Variants in PCDH11X observed in about 807,000 individuals in gnomAD.
PCDH11X encodes protocadherin-11 X-linked.
PCDH11X carries 18 observed loss-of-function variants against 53.3 expected under a neutral mutation model. The observed-to-expected ratio is 0.34, with a 90% CI of 0.23 to 0.50. PCDH11X has a LOEUF of 0.50. Ranked by LOEUF, PCDH11X falls within the 20% of genes least tolerant of loss-of-function variation. The pLI, the probability that PCDH11X is intolerant of heterozygous loss-of-function variation, is 0.98. For missense variants in PCDH11X, 570 were observed against 1,032.4 expected (o/e 0.55, Z 6.14); for synonymous variants, 279 against 393.3 (o/e 0.71, Z 3.44).
At chrX:92,420,544 G>C in intron 9 of PCDH11X, 1 of 351,510 alleles carries the variant, frequency 2.8e-6, no homozygotes, top group Non-Finnish European at 5.5e-6. Context: ...CCCAAGGAGG[G>C]TTTTTAATGG....
intron 10 of PCDH11X, among the ~76,000 whole-genome samples, chrX:92,595,433 C>T (rs1925489089): frequency 9.3e-6 from 1 of 107,495 alleles, no homozygotes; most frequent in African/African-American, 3.4e-5. Context: ...TAAAAAGGGA[C>T]TGTGTGGTAA....
intron 7 of PCDH11X, among the ~76,000 whole-genome samples, chrX:92,211,456 CAG>C (rs1281351002): frequency 8.9e-6 from 1 of 111,889 alleles, no homozygotes; most frequent in African/African-American, 3.2e-5. Context: ...GGTGAGGACA[CAG>C]AGCCAAACCA....
In PCDH11X at chrX:91,806,018, C is replaced by T. The variant is rs1226202476; in HGVS notation, c.-378-3448C>T. 2.7e-5 allele frequency among the ~76,000 whole-genome samples: 3 copies of T among 111,571 alleles called. No individual in the cohort carries two copies. The East Asian group carries it at 8.4e-4, about 31-fold the overall frequency. Reference sequence around the variant, plus strand: ...AGGGACTATAAAGTAGGGAGATCAGCAGGACTGTAAAAGTGGGTGTGGGAG... The same window carrying T: ...AGGGACTATAAAGTAGGGAGATCAGTAGGACTGTAAAAGTGGGTGTGGGAG... On this transcript the variant is annotated intron_variant, in intron 1 of 10. Coordinates refer to ENST00000682573, the MANE Select transcript of PCDH11X (RefSeq NM_032968.5).
At chrX:92,184,768 G>T (rs763600127) in intron 6 of PCDH11X, among the ~76,000 whole-genome samples, 1 of 111,216 alleles carries the variant, frequency 9.0e-6, no homozygotes, top group African/African-American at 3.3e-5. Context: ...CTGGGGCCTG[G>T]CAGAGTGGCT....
chrX:92,015,166 CT>C (rs760792016), intron 6 of PCDH11X, among the ~76,000 whole-genome samples: 2 of 110,311 alleles, frequency 1.8e-5, no homozygotes, highest in East Asian at 2.8e-4. Flanking sequence ...GCTTTGAAAT[CT>C]TTTTTTTTAA....
intron 6 of PCDH11X, among the ~76,000 whole-genome samples, chrX:92,076,952 C>T (rs906156118): frequency 8.9e-6 from 1 of 111,847 alleles, no homozygotes; most frequent in Non-Finnish European, 1.9e-5. Flanking sequence ...ATAAACAAAG[C>T]CTTCTTCACT....
chrX:91,825,504 A>G (rs5984825), intron 4 of PCDH11X, among the ~76,000 whole-genome samples: 12,727 of 111,156 alleles, frequency 0.11, 1,757 homozygotes, highest in African/African-American at 0.39. Flanking sequence ...TGCACTTTCC[A>G]AGTGAGGCAA....
At chrX:92,298,263 G>A (rs1448666513) in intron 8 of PCDH11X, among the ~76,000 whole-genome samples, 1 of 111,872 alleles carries the variant, frequency 8.9e-6, no homozygotes, top group Non-Finnish European at 1.9e-5. Flanking sequence ...TGCTCATTCA[G>A]TATGATGTTG....
intron 9 of PCDH11X, among the ~76,000 whole-genome samples, chrX:92,396,950 C>A (rs1603299718): frequency 2.5e-5 from 1 of 39,588 alleles, no homozygotes; most frequent in Non-Finnish European, 4.1e-5. Context: ...GTTGTTTATC[C>A]TAGAGATGAA....
chrX:92,226,859 A>G (rs10126983), intron 7 of PCDH11X, among the ~76,000 whole-genome samples: 9,017 of 110,868 alleles, frequency 0.081, 528 homozygotes, highest in African/African-American at 0.2. Flanking sequence ...AGCTTTAATC[A>G]TGGAAGAGCA....
intron 9 of PCDH11X, among the ~76,000 whole-genome samples, chrX:92,403,339 G>GTTTTTTTTTTTTTTTTTTTTT (rs1191277649): frequency 4.1e-5 from 2 of 49,363 alleles, no homozygotes; most frequent in African/African-American, 8.4e-5. Context: ...GTTTTTTTTT[G>GTTTTTTTTTTTTTTTTTTTTT]TTTTTTTTTT....
intron 6 of PCDH11X, among the ~76,000 whole-genome samples, chrX:92,074,032 C>T (rs1275925928): frequency 1.8e-5 from 2 of 111,639 alleles, no homozygotes; most frequent in African/African-American, 6.5e-5. Flanking sequence ...ATCATTTACA[C>T]GTGGTCATTC....
intron 9 of PCDH11X, among the ~76,000 whole-genome samples, chrX:92,461,567 T>C (rs762037192): frequency 8.9e-6 from 1 of 112,077 alleles, no homozygotes; most frequent in Non-Finnish European, 1.9e-5. Context: ...TCCAAGTGGA[T>C]TAAACACTTA....
chrX:91,832,755 C>T (rs1937157487), intron 4 of PCDH11X, among the ~76,000 whole-genome samples: 1 of 111,587 alleles, frequency 9.0e-6, no homozygotes, highest in Admixed American at 9.6e-5. Context: ...GATATTGCGA[C>T]ATGCATGCAA....
intron 8 of PCDH11X, among the ~76,000 whole-genome samples, chrX:92,301,363 C>T (rs778726258): frequency 4.7e-5 from 5 of 106,587 alleles, no homozygotes; most frequent in African/African-American, 1.7e-4. Flanking sequence ...TGACAGTTTC[C>T]CTAAGTCTAG....
At chrX:92,256,241 A>G (rs1380726748) in intron 7 of PCDH11X, among the ~76,000 whole-genome samples, 4 of 111,501 alleles carry the variant, frequency 3.6e-5, no homozygotes, top group African/African-American at 9.8e-5. Context: ...TTGATTAGGA[A>G]AGGGAACTCC....
chrX:92,163,796 G>A (rs1277981784), intron 6 of PCDH11X, among the ~76,000 whole-genome samples: 2 of 111,311 alleles, frequency 1.8e-5, no homozygotes, highest in Non-Finnish European at 3.8e-5. Flanking sequence ...GGTTCACGAT[G>A]CAGGTCTCCA....
chrX:92,060,063 TA>T (rs776539009), intron 6 of PCDH11X, among the ~76,000 whole-genome samples: 10 of 110,594 alleles, frequency 9.0e-5, no homozygotes, highest in Non-Finnish European at 1.7e-4. Context: ...ATTATACCCA[TA>T]AAAAAAAGTT....
chrX:91,827,238 C>CT (rs1936953834), intron 4 of PCDH11X, among the ~76,000 whole-genome samples: 1 of 111,665 alleles, frequency 9.0e-6, no homozygotes, highest in African/African-American at 3.3e-5. Flanking sequence ...TTTTCATATG[C>CT]TTGCTGGCCA....
Sources: gnomAD v4.1 joint callset for allele counts (sites outside exome capture counted in the v4.1 genomes callset) on GRCh38, gnomAD v4.1.1 for gene constraint, MANE v1.5 for transcripts, NCBI Gene and HGNC (gene_info 2026-07-23, HGNC 2026-07-21) for gene names.